Variants in TCF7L1 observed in about 807,000 individuals in gnomAD.
The protein encoded by TCF7L1 is transcription factor 7-like 1.
Under a neutral mutation model 63.7 loss-of-function variants are expected in TCF7L1, and 18 were observed. That is an observed-to-expected ratio of 0.28 (90% CI 0.20 to 0.42). The LOEUF is 0.42. TCF7L1 is among the 10% of genes least tolerant of loss of function. The probability of loss-of-function intolerance (pLI) is 1.00; values close to 1 mark genes in which losing one functional copy is unlikely to be tolerated. For synonymous variants in TCF7L1, 355 were observed against 340.9 expected (o/e 1.04, Z -0.46); for missense variants, 654 against 779.3 (o/e 0.84, Z 1.91).
intron 4 of TCF7L1, among the ~76,000 whole-genome samples, chr2:85,298,931 C>G (rs191138539): frequency 6.6e-6 from 1 of 151,964 alleles, no homozygotes; most frequent in Admixed American, 6.6e-5. Context: ...CCTTCCCTCC[C>G]GGTTCATTTT....
intron 3 of TCF7L1, among the ~76,000 whole-genome samples, chr2:85,181,446 G>A (rs1292869612): frequency 6.6e-6 from 1 of 152,172 alleles, no homozygotes; most frequent in Non-Finnish European, 1.5e-5. Context: ...GCCTGCTGGG[G>A]GCAGCAGCAA....
At chr2:85,148,154 A>G (rs1677925247) in intron 3 of TCF7L1, among the ~76,000 whole-genome samples, 1 of 152,170 alleles carries the variant, frequency 6.6e-6, no homozygotes, top group African/African-American at 2.4e-5. Flanking sequence ...TTTGGAGTGG[A>G]AAATGGGTCA....
At chr2:85,263,460 G>A (rs1267246481) in intron 3 of TCF7L1, among the ~76,000 whole-genome samples, 1 of 152,172 alleles carries the variant, frequency 6.6e-6, no homozygotes, top group East Asian at 1.9e-4. Context: ...GACAGTCCAA[G>A]TTAGAATGAC....
At chr2:85,235,592 C>T (rs1037339929) in intron 3 of TCF7L1, among the ~76,000 whole-genome samples, 1 of 152,068 alleles carries the variant, frequency 6.6e-6, no homozygotes, top group Non-Finnish European at 1.5e-5. Flanking sequence ...CCAGAAGCCT[C>T]GCGGAGCTCA....
chr2:85,160,350 T>A (rs978539860), intron 3 of TCF7L1, among the ~76,000 whole-genome samples: 1 of 152,090 alleles, frequency 6.6e-6, no homozygotes, highest in Admixed American at 6.5e-5. Context: ...TAGCCTCCCA[T>A]CTTCCTTGGG....
intron 3 of TCF7L1, among the ~76,000 whole-genome samples, chr2:85,196,259 G>A (rs748543250): frequency 9.2e-5 from 14 of 152,142 alleles, no homozygotes; most frequent in Admixed American, 2.0e-4. Context: ...CCACATAAAC[G>A]ATGTCATTCT....
At chr2:85,155,717 A>G (rs1351317119) in intron 3 of TCF7L1, among the ~76,000 whole-genome samples, 2 of 152,136 alleles carry the variant, frequency 1.3e-5, no homozygotes, top group Non-Finnish European at 2.9e-5. Context: ...CTTGAAATAG[A>G]TTGTCTTAGT....
At chr2:85,296,105 C>T (rs1681835499) in intron 4 of TCF7L1, among the ~76,000 whole-genome samples, 1 of 152,154 alleles carries the variant, frequency 6.6e-6, no homozygotes, top group Admixed American at 6.6e-5. Flanking sequence ...ATGTCATTAT[C>T]TTACTCACAA....
chr2:85,144,470 C>T (rs189895006), intron 3 of TCF7L1, among the ~76,000 whole-genome samples: 27 of 149,552 alleles, frequency 1.8e-4, no homozygotes, highest in Admixed American at 1.4e-3. Context: ...GGAGTGGTAA[C>T]GTGTGCCTGT....
intron 3 of TCF7L1, among the ~76,000 whole-genome samples, chr2:85,281,776 G>A (rs376578453): frequency 1.1e-4 from 16 of 152,202 alleles, no homozygotes; most frequent in African/African-American, 3.4e-4. Context: ...CCTGTGGCAC[G>A]TGTGACCTTA....
intron 3 of TCF7L1, among the ~76,000 whole-genome samples, chr2:85,211,960 C>T (rs557437148): frequency 6.6e-5 from 10 of 151,974 alleles, no homozygotes; most frequent in Non-Finnish European, 1.2e-4. Flanking sequence ...TGTGGTGGCA[C>T]GCGCCTGTAA....
At chr2:85,213,424 A>C (rs1679619305) in intron 3 of TCF7L1, among the ~76,000 whole-genome samples, 1 of 152,178 alleles carries the variant, frequency 6.6e-6, no homozygotes, top group South Asian at 2.1e-4. Context: ...ATACCCAAAA[A>C]TAGCCTTTGA....
intron 3 of TCF7L1, among the ~76,000 whole-genome samples, chr2:85,236,290 A>G (rs1680190729): frequency 6.6e-6 from 1 of 152,202 alleles, no homozygotes; most frequent in Non-Finnish European, 1.5e-5. Flanking sequence ...CACTCTGTCC[A>G]TACAGGCAGA....
In TCF7L1 at chr2:85,310,333, A is replaced by C. The variant is rs981703077; in HGVS notation, c.*871A>C. ...TTTTATGGTTTTTGGAGCAATTTAA[A>C]CTCCCAGTTGTTTATTTTCACAAAA... On this transcript the variant is annotated 3_prime_UTR_variant, in exon 12 of 12. Transcript: ENST00000282111. 1 of 152,080 alleles carries C rather than the reference A, an allele frequency of 6.6e-6. No individual in the cohort carries two copies. The highest frequency in any genetic ancestry group is 6.6e-5 in the Admixed American group (1 of 15,244). The allele number at this position is 152,080 out of a possible 1,614,324, so 9.4% of individuals were successfully genotyped here.
chr2:85,293,088 C>T (rs1173583584), intron 4 of TCF7L1, among the ~76,000 whole-genome samples: 1 of 152,188 alleles, frequency 6.6e-6, no homozygotes, highest in East Asian at 1.9e-4. Context: ...GTGGCAGATA[C>T]AAAAGAAGGG....
intron 11 of TCF7L1, 64 bp from the exon 12 acceptor site, chr2:85,308,965 G>A: frequency 1.3e-6 from 2 of 1,510,834 alleles, no homozygotes; most frequent in Non-Finnish European, 1.8e-6. Context: ...CGCCAGGGCT[G>A]TTCCTCAGCC....
intron 3 of TCF7L1, among the ~76,000 whole-genome samples, chr2:85,144,137 C>G (rs1439204046): frequency 6.6e-6 from 1 of 152,148 alleles, no homozygotes; most frequent in Non-Finnish European, 1.5e-5. Flanking sequence ...TAACCCAGCT[C>G]TGGTGAACCA....
At chr2:85,234,585 T>C (rs568392164) in intron 3 of TCF7L1, among the ~76,000 whole-genome samples, 1 of 152,326 alleles carries the variant, frequency 6.6e-6, no homozygotes, top group African/African-American at 2.4e-5. Flanking sequence ...ATTTCTCACC[T>C]CTTGAGAAGT....
intron 3 of TCF7L1, among the ~76,000 whole-genome samples, chr2:85,261,078 A>C (rs578127116): frequency 6.6e-6 from 1 of 151,696 alleles, no homozygotes; most frequent in Non-Finnish European, 1.5e-5. Flanking sequence ...ATTTGCACAT[A>C]TACTCAAGTG....
Sources: gnomAD v4.1 joint callset for allele counts (sites outside exome capture counted in the v4.1 genomes callset) on GRCh38, gnomAD v4.1.1 for gene constraint, MANE v1.5 for transcripts, NCBI Gene and HGNC (gene_info 2026-07-23, HGNC 2026-07-21) for gene names.